Variants in EBF4 observed in about 807,000 individuals in gnomAD.
The protein encoded by EBF4 is transcription factor COE4.
Under a neutral mutation model 67.1 loss-of-function variants are expected in EBF4, and 34 were observed. That is an observed-to-expected ratio of 0.51 (90% CI 0.39 to 0.67). The LOEUF (loss-of-function observed/expected upper bound fraction) is 0.67, where lower values mean the gene tolerates loss of function less well. Ranked by LOEUF, EBF4 falls within the 30% of genes least tolerant of loss-of-function variation. The pLI is 0.00. For missense variants in EBF4, 837 were observed against 873.3 expected (o/e 0.96, Z 0.52); for synonymous variants, 387 against 377.7 (o/e 1.02, Z -0.29).
rs562583306 is a variant in EBF4, at chr20:2,751,360, C to T, written c.1019-340C>T. Among the ~76,000 whole-genome samples the T allele has an allele frequency of 6.6e-6, 1 of 152,220 alleles. No homozygotes were observed. Among genetic ancestry groups the T allele is most frequent in the Non-Finnish European group, 1.5e-5 (1 of 68,032 alleles). On this transcript the variant is annotated intron_variant, in intron 10 of 16. Transcript: ENST00000609451. This position sits in a 1 kb window ranked among gnomAD's most constrained non-coding sequence, Gnocchi z 5.2. ...CAGATGAAAAGAGAAAACTCTCCAT[C>T]GAGTCCTGCCCTTAGGACTATAACT...
chr20:2,759,238 C>T, intron 16 of EBF4, 30 bp from the exon 17 acceptor site: 1 of 547,396 alleles, frequency 1.8e-6, no homozygotes, highest in Non-Finnish European at 3.3e-6. Flanking sequence ...TCCTCCCCGA[C>T]CTTCTTCTCT....
chr20:2,736,380 A>T (rs2087877306), intron 6 of EBF4, among the ~76,000 whole-genome samples: 1 of 152,206 alleles, frequency 6.6e-6, no homozygotes, highest in South Asian at 2.1e-4. Context: ...GGGCAAATTT[A>T]GACCCTAGAT....
At chr20:2,749,790 G>A in intron 9 of EBF4, 37 bp downstream of exon 9, 1 of 1,541,466 alleles carries the variant, frequency 6.5e-7, no homozygotes. Context: ...TGGGCCTAGG[G>A]GCTGGGCCCT....
At chr20:2,730,752 G>A (rs181924694) in intron 6 of EBF4, among the ~76,000 whole-genome samples, 5 of 152,334 alleles carry the variant, frequency 3.3e-5, no homozygotes, top group South Asian at 2.1e-4. Flanking sequence ...AAAACAGGAC[G>A]CGCAGGGCCC....
chr20:2,743,228 C>G (rs777817227), intron 6 of EBF4, among the ~76,000 whole-genome samples: 1 of 152,194 alleles, frequency 6.6e-6, no homozygotes, highest in Non-Finnish European at 1.5e-5. Context: ...GTTGTTCTCA[C>G]GTTCGCCCTT....
chr20:2,738,550 T>A (rs1047063210), intron 6 of EBF4, among the ~76,000 whole-genome samples: 1 of 152,186 alleles, frequency 6.6e-6, no homozygotes, highest in Non-Finnish European at 1.5e-5. Flanking sequence ...TTCCTGCCGC[T>A]GCATGTGGCA....
intron 1 of EBF4, among the ~76,000 whole-genome samples, chr20:2,704,455 C>T (rs1396812897): frequency 1.3e-5 from 2 of 152,222 alleles, no homozygotes; most frequent in Non-Finnish European, 2.9e-5. Context: ...CATGATCTGG[C>T]ACGAACTTCC....
chr20:2,693,402 G>T (rs1249817748), upstream of EBF4, among the ~76,000 whole-genome samples: 1 of 151,550 alleles, frequency 6.6e-6, no homozygotes, highest in Non-Finnish European at 1.5e-5. This position sits in a 1 kb window ranked among gnomAD's most constrained non-coding sequence, Gnocchi z 4.6. Flanking sequence ...CCAGCGCTCA[G>T]GCCGCGGGGG....
chr20:2,707,596 G>A lies in EBF4; in HGVS notation c.415-351G>A, dbSNP rs549088617. Among the ~76,000 whole-genome samples the A allele has an allele frequency of 6.6e-6, 1 of 152,164 alleles. No homozygotes were observed. Among genetic ancestry groups the A allele is most frequent in the African/African-American group, 2.4e-5 (1 of 41,476 alleles). On this transcript the variant is annotated intron_variant, in intron 4 of 16. Transcript: ENST00000609451. This position sits in a 1 kb window ranked among gnomAD's most constrained non-coding sequence, Gnocchi z 4.6. ...CAGGAGGATGCTGGGGGAGGGGAGG[G>A]GCCTGGTGCTGGGTGGGCACAGGAG...
intron 6 of EBF4, among the ~76,000 whole-genome samples, chr20:2,715,611 C>T (rs2087597989): frequency 6.6e-6 from 1 of 152,196 alleles, no homozygotes; most frequent in Non-Finnish European, 1.5e-5. Flanking sequence ...CGCTCCACAT[C>T]CTCACCAACA....
chr20:2,698,499 T>A (rs569353128), intron 1 of EBF4, among the ~76,000 whole-genome samples: 2 of 152,254 alleles, frequency 1.3e-5, no homozygotes, highest in South Asian at 2.1e-4. Flanking sequence ...TTGATCATCA[T>A]CAGCAGTCCC....
chr20:2,706,717 C>A (rs770156308), intron 4 of EBF4, among the ~76,000 whole-genome samples: 1 of 152,194 alleles, frequency 6.6e-6, no homozygotes, highest in African/African-American at 2.4e-5. Flanking sequence ...AAGGGTAGCA[C>A]GTAACCTCTG....
intron 15 of EBF4, among the ~76,000 whole-genome samples, chr20:2,758,570 C>T (rs548406152): frequency 1.3e-5 from 2 of 152,264 alleles, no homozygotes; most frequent in South Asian, 4.2e-4. Context: ...AGTCAGTATT[C>T]CTGGAGGCTG....
chr20:2,711,006 G>C (rs2087535744), intron 6 of EBF4, among the ~76,000 whole-genome samples: 1 of 151,908 alleles, frequency 6.6e-6, no homozygotes, highest in South Asian at 2.1e-4. Flanking sequence ...AAATTAGCTG[G>C]GCATGGTGGT....
chr20:2,720,365 G>C (rs968568964), intron 6 of EBF4, among the ~76,000 whole-genome samples: 2 of 152,000 alleles, frequency 1.3e-5, no homozygotes, highest in South Asian at 2.1e-4. Context: ...CAAAGTGCTG[G>C]GATTACAGGT....
chr20:2,737,704 C>T (rs1390376989), intron 6 of EBF4, among the ~76,000 whole-genome samples: 1 of 151,920 alleles, frequency 6.6e-6, no homozygotes, highest in African/African-American at 2.4e-5. Context: ...GGCGCAGTGG[C>T]TCACACCTGT....
intron 14 of EBF4, among the ~76,000 whole-genome samples, chr20:2,753,614 G>A (rs916940182): frequency 3.9e-5 from 6 of 152,246 alleles, no homozygotes; most frequent in Non-Finnish European, 8.8e-5. Context: ...GGTGGTGAAG[G>A]CTGTCCCAGA....
intron 6 of EBF4, among the ~76,000 whole-genome samples, chr20:2,735,469 A>G (rs1441161345): frequency 6.6e-6 from 1 of 152,174 alleles, no homozygotes; most frequent in Non-Finnish European, 1.5e-5. Context: ...TGTTGCACAC[A>G]TGTTGTTAAT....
At chr20:2,731,585 T>C (rs1316419624) in intron 6 of EBF4, among the ~76,000 whole-genome samples, 3 of 152,156 alleles carry the variant, frequency 2.0e-5, no homozygotes, top group African/African-American at 7.2e-5. Context: ...CTCAGAGGGT[T>C]CTATCATGAA....
Sources: gnomAD v4.1 joint callset for allele counts (sites outside exome capture counted in the v4.1 genomes callset) on GRCh38, gnomAD v4.1.1 for gene constraint, Gnocchi (gnomAD v3.1) non-coding constraint, MANE v1.5 for transcripts, NCBI Gene and HGNC (gene_info 2026-07-23, HGNC 2026-07-21) for gene names.